PDE8A: variants seen among roughly 807,000 people sequenced by gnomAD.
PDE8A encodes the protein phosphodiesterase 8A.
A neutral mutation model predicts 105.0 loss-of-function variants in PDE8A; 59 were observed. That is an observed-to-expected ratio of 0.56 (90% CI 0.46 to 0.70). The LOEUF (loss-of-function observed/expected upper bound fraction) is 0.70, where lower values mean the gene tolerates loss of function less well. Ranked by LOEUF, PDE8A falls within the 30% of genes least tolerant of loss-of-function variation. The pLI is 0.00. For synonymous variants in PDE8A, 355 were observed against 371.9 expected (o/e 0.95, Z 0.52); for missense variants, 1,014 against 1,045.9 (o/e 0.97, Z 0.42).
chr15:85,011,365 T>TC (rs2080236219), intron 1 of PDE8A, among the ~76,000 whole-genome samples: 1 of 152,150 alleles, frequency 6.6e-6, no homozygotes, highest in African/African-American at 2.4e-5. Flanking sequence ...AGAGTACTGG[T>TC]CCAAAACTCA....
intron 1 of PDE8A, among the ~76,000 whole-genome samples, chr15:85,001,902 A>G (rs1372539464): frequency 6.6e-6 from 1 of 152,208 alleles, no homozygotes; most frequent in Non-Finnish European, 1.5e-5. Flanking sequence ...TACTTTGTGC[A>G]TGAACTAAGT....
intron 1 of PDE8A, among the ~76,000 whole-genome samples, chr15:85,028,424 A>C (rs1179043186): frequency 6.6e-6 from 1 of 152,110 alleles, no homozygotes; most frequent in Non-Finnish European, 1.5e-5. Flanking sequence ...TTTGTTGCCC[A>C]GGCTGGTCTT....
intron 1 of PDE8A, among the ~76,000 whole-genome samples, chr15:85,057,487 C>T (rs574325847): frequency 2.0e-5 from 3 of 152,294 alleles, no homozygotes; most frequent in South Asian, 2.1e-4. Flanking sequence ...TTGTGCTTCC[C>T]GGGTGAGGCG....
At chr15:85,056,911 C>T (rs769936347) in intron 1 of PDE8A, among the ~76,000 whole-genome samples, 2 of 152,202 alleles carry the variant, frequency 1.3e-5, no homozygotes, top group Non-Finnish European at 2.9e-5. Flanking sequence ...TTAGAATGTT[C>T]AGCTTTTCTG....
At chr15:85,076,670 TA>T (rs1196502687) in intron 4 of PDE8A, 62 bp from the exon 5 acceptor site, 14 of 953,888 alleles carry the variant, frequency 1.5e-5, no homozygotes, top group Non-Finnish European at 2.2e-5. Context: ...ATTAGTAGAG[TA>T]AAAGAGGTGA....
chr15:85,075,422 T>G (rs1040859217), intron 3 of PDE8A, among the ~76,000 whole-genome samples: 1 of 152,252 alleles, frequency 6.6e-6, no homozygotes, highest in Non-Finnish European at 1.5e-5. Context: ...CTCCTTAGAA[T>G]GCAGTGGAGC....
At chr15:85,071,192 G>GA (rs138493285) in intron 3 of PDE8A, among the ~76,000 whole-genome samples, 4,626 of 152,288 alleles carry the variant, frequency 0.03, 193 homozygotes, top group African/African-American at 0.094. Context: ...CTTTGAAGCT[G>GA]AAATACCAGT....
At chr15:85,064,270 G>T (rs981912410) in intron 1 of PDE8A, 100 bp from the exon 2 acceptor site, 18 of 759,538 alleles carry the variant, frequency 2.4e-5, no homozygotes, top group Non-Finnish European at 3.1e-5. Flanking sequence ...CTCTAGAATA[G>T]AAATTTTGCT....
chr15:85,029,860 C>G (rs909075387), intron 1 of PDE8A, among the ~76,000 whole-genome samples: 5 of 152,152 alleles, frequency 3.3e-5, no homozygotes, highest in East Asian at 1.9e-4. Flanking sequence ...TCAAGTGTCA[C>G]TCATATGACA....
At position 85,113,358 on chromosome 15, in the gene PDE8A, T is replaced by G. The variant is rs752016669; in HGVS notation, c.1115-19T>G. ...CCAGAGTTGTGCATGCCCTGATTTG[T>G]GCATCCCTTTCTCCACAGTTTCCAG... is the stretch of plus-strand genomic sequence containing the variant. On this transcript the variant is annotated intron_variant, in intron 12 of 21. Transcript: ENST00000394553. 1 of 1,610,908 alleles carries G rather than the reference T, an allele frequency of 6.2e-7. No homozygotes were observed. Among genetic ancestry groups the G allele is most frequent in the Non-Finnish European group, 8.5e-7 (1 of 1,177,088 alleles).
intron 5 of PDE8A, among the ~76,000 whole-genome samples, chr15:85,082,275 A>G (rs944100074): frequency 1.3e-5 from 2 of 152,036 alleles, no homozygotes; most frequent in Non-Finnish European, 2.9e-5. Flanking sequence ...TATAGGTATA[A>G]GGTTTATCAT....
At chr15:85,075,051 C>T (rs1259560084) in intron 3 of PDE8A, among the ~76,000 whole-genome samples, 1 of 152,204 alleles carries the variant, frequency 6.6e-6, no homozygotes, top group Non-Finnish European at 1.5e-5. Flanking sequence ...CTCGCTTCTC[C>T]CAGTGTAGGA....
intron 18 of PDE8A, among the ~76,000 whole-genome samples, 176 bp from the exon 19 acceptor site, chr15:85,122,885 G>A (rs574056030): frequency 2.0e-5 from 3 of 152,290 alleles, no homozygotes; most frequent in African/African-American, 7.2e-5. Context: ...CCTTGCTAAC[G>A]ATCTAGGCAC....
chr15:85,003,446 G>T (rs372609225), intron 1 of PDE8A, among the ~76,000 whole-genome samples: 2 of 152,144 alleles, frequency 1.3e-5, no homozygotes, highest in Non-Finnish European at 2.9e-5. Context: ...CGACCTCTGC[G>T]ATGGGCAACA....
At chr15:85,011,866 C>T (rs1567227941) in intron 1 of PDE8A, among the ~76,000 whole-genome samples, 3 of 152,154 alleles carry the variant, frequency 2.0e-5, no homozygotes, top group Non-Finnish European at 4.4e-5. Flanking sequence ...AAACAAACAA[C>T]CCCATCAAAA....
In PDE8A at chr15:84,982,023, C is replaced by T. The variant is rs1167097817; in HGVS notation, c.-140C>T. Reference sequence around the variant, plus strand: ...CGCGATAAAAGGGGCGGCCGCGTTTCCTGACGCGAGATCCGCGCTCGCCGC... The same window carrying T: ...CGCGATAAAAGGGGCGGCCGCGTTTTCTGACGCGAGATCCGCGCTCGCCGC... On this transcript the variant is annotated 5_prime_UTR_variant, in exon 1 of 22. Transcript: ENST00000394553. 1 of 393,616 alleles carries T rather than the reference C, an allele frequency of 2.5e-6. No homozygotes were observed. The highest frequency in any genetic ancestry group is 4.1e-6 in the Non-Finnish European group (1 of 243,974). 24.4% of individuals were successfully genotyped at this position (393,616 alleles called of 1,614,324 possible).
chr15:85,043,541 T>TA (rs1363066928), intron 1 of PDE8A, among the ~76,000 whole-genome samples: 1 of 152,198 alleles, frequency 6.6e-6, no homozygotes, highest in Non-Finnish European at 1.5e-5. Flanking sequence ...GGTTAATTCT[T>TA]ACTAGTTTTA....
chr15:85,042,281 A>G (rs539535394), intron 1 of PDE8A, among the ~76,000 whole-genome samples: 1 of 151,930 alleles, frequency 6.6e-6, no homozygotes, highest in African/African-American at 2.4e-5. Flanking sequence ...GGCTCAATTG[A>G]TCCTCTCACT....
intron 1 of PDE8A, among the ~76,000 whole-genome samples, chr15:84,986,438 C>T (rs1428209597): frequency 2.6e-5 from 4 of 152,050 alleles, no homozygotes; most frequent in Non-Finnish European, 5.9e-5. Context: ...CACCTCCCGT[C>T]CCACTTCCAT....
Sources: allele counts gnomAD v4.1 joint callset (sites outside exome capture counted in the v4.1 genomes callset), GRCh38; gene constraint gnomAD v4.1.1; transcripts MANE v1.5; gene names NCBI Gene and HGNC (gene_info 2026-07-23, HGNC 2026-07-21).